GPHN: variants seen among roughly 807,000 people sequenced by gnomAD.
GPHN encodes gephyrin.
GPHN carries 17 observed loss-of-function variants against 95.5 expected under a neutral mutation model. The ratio of observed to expected loss-of-function variants is 0.18; its 90% CI spans 0.12 to 0.27. The LOEUF is 0.27. Among genes scored for constraint, GPHN ranks in the 10% least tolerant of loss-of-function variants. The probability of loss-of-function intolerance (pLI) is 1.00; values close to 1 mark genes in which losing one functional copy is unlikely to be tolerated. For missense variants in GPHN, 660 were observed against 978.1 expected (o/e 0.67, Z 4.34); for synonymous variants, 320 against 322.5 (o/e 0.99, Z 0.08).
intron 5 of GPHN, among the ~76,000 whole-genome samples, chr14:66,891,751 T>C (rs1490996771): frequency 1.3e-5 from 2 of 150,342 alleles, no homozygotes; most frequent in Non-Finnish European, 3.0e-5. Context: ...ATTAATATTC[T>C]ATATATATAT....
At chr14:67,053,176 T>C (rs1594950025) in intron 10 of GPHN, among the ~76,000 whole-genome samples, 1 of 85,644 alleles carries the variant, frequency 1.2e-5, no homozygotes, top group East Asian at 6.2e-4. Context: ...AGCTGGTTTG[T>C]TTTTTTTTTT....
At chr14:67,276,993 A>G in the GPHN span, among the ~76,000 whole-genome samples, 1 of 152,186 alleles carries the variant, frequency 6.6e-6, no homozygotes, top group Non-Finnish European at 1.5e-5. Context: ...AGTAATTGTT[A>G]TAGAGAGGGT....
chr14:67,421,309 A>G, the GPHN span, among the ~76,000 whole-genome samples: 1 of 152,132 alleles, frequency 6.6e-6, no homozygotes, highest in Non-Finnish European at 1.5e-5. Context: ...ATCCATGAAA[A>G]TGTCCCTGAT....
the GPHN span, among the ~76,000 whole-genome samples, chr14:67,408,181 G>A: frequency 6.6e-6 from 1 of 151,882 alleles, no homozygotes; most frequent in African/African-American, 2.4e-5. Context: ...AGCTACTCAG[G>A]AGGCTGAGGC....
At chr14:67,320,243 G>A in the GPHN span, 4 of 1,606,734 alleles carry the variant, frequency 2.5e-6, no homozygotes, top group East Asian at 2.2e-5. Context: ...ATGACAACGA[G>A]GAGATCTTAA....
chr14:67,288,977 T>G, the GPHN span, among the ~76,000 whole-genome samples: 1 of 148,692 alleles, frequency 6.7e-6, no homozygotes, highest in East Asian at 1.9e-4. Context: ...TTTTTTTTTT[T>G]TTTTTTTGAG....
At chr14:66,725,698 G>A (rs1419883210) in intron 2 of GPHN, among the ~76,000 whole-genome samples, 1 of 152,128 alleles carries the variant, frequency 6.6e-6, no homozygotes, top group Non-Finnish European at 1.5e-5. Context: ...TGGTCAAGCT[G>A]GTGACAGATA....
intron 1 of GPHN, among the ~76,000 whole-genome samples, chr14:66,515,418 G>T (rs2058200314): frequency 1.3e-5 from 2 of 152,170 alleles, no homozygotes; most frequent in South Asian, 4.1e-4. Context: ...ATGTTTTTCT[G>T]GTAATAGGAT....
chr14:67,529,128 G>A, the GPHN span, among the ~76,000 whole-genome samples: 281 of 152,180 alleles, frequency 1.8e-3, 12 homozygotes, highest in South Asian at 0.058. Flanking sequence ...CAGGCACTGA[G>A]GCAGGCCCTT....
chr14:67,242,459 A>G, the GPHN span, among the ~76,000 whole-genome samples: 3 of 152,234 alleles, frequency 2.0e-5, no homozygotes, highest in Non-Finnish European at 4.4e-5. Flanking sequence ...TAAAAAAGCA[A>G]TATCATGTTT....
chr14:66,928,834 T>C (rs2066624819), intron 8 of GPHN, among the ~76,000 whole-genome samples: 1 of 152,146 alleles, frequency 6.6e-6, no homozygotes, highest in African/African-American at 2.4e-5. Flanking sequence ...TTCCAAAGTT[T>C]TTTTTATTGA....
At chr14:66,935,515 A>G (rs1021223873) in intron 8 of GPHN, among the ~76,000 whole-genome samples, 1 of 150,888 alleles carries the variant, frequency 6.6e-6, no homozygotes, top group Non-Finnish European at 1.5e-5. Context: ...TTATATATAT[A>G]TAAAACAAAC....
intron 1 of GPHN, among the ~76,000 whole-genome samples, chr14:66,611,338 G>A (rs1204459208): frequency 1.3e-5 from 2 of 152,010 alleles, no homozygotes. Context: ...GGTAGGGGCT[G>A]GAACAAAGAA....
At chr14:67,090,184 TC>T (rs1180499701) in intron 12 of GPHN, among the ~76,000 whole-genome samples, 1 of 152,110 alleles carries the variant, frequency 6.6e-6, no homozygotes, top group Non-Finnish European at 1.5e-5. Flanking sequence ...GCATGCCAAT[TC>T]CTTTTTAATG....
chr14:67,518,172 G>A, the GPHN span, among the ~76,000 whole-genome samples: 2 of 152,210 alleles, frequency 1.3e-5, no homozygotes, highest in African/African-American at 2.4e-5. Flanking sequence ...ACACACCAAA[G>A]GATACCAGCC....
chr14:67,146,776 A>G (rs915190010), intron 18 of GPHN, among the ~76,000 whole-genome samples: 4 of 152,230 alleles, frequency 2.6e-5, no homozygotes, highest in African/African-American at 9.6e-5. Flanking sequence ...GCTCATGCCT[A>G]TAATCCCAGC....
chr14:66,937,935 A>C (rs2067215362), intron 8 of GPHN, among the ~76,000 whole-genome samples: 1 of 152,094 alleles, frequency 6.6e-6, no homozygotes, highest in Admixed American at 6.6e-5. Flanking sequence ...AGGTCACCAA[A>C]ATTTTATTCC....
the GPHN span, chr14:67,225,377 G>T: frequency 6.3e-6 from 4 of 638,384 alleles, no homozygotes; most frequent in Non-Finnish European, 9.6e-6. Flanking sequence ...TTCTACTGTA[G>T]TAACAATATA....
At chr14:66,682,578 C>T (rs964685274) in intron 2 of GPHN, among the ~76,000 whole-genome samples, 2 of 151,752 alleles carry the variant, frequency 1.3e-5, no homozygotes, top group East Asian at 3.9e-4. Context: ...GGTGAAACCC[C>T]GTCCCTACAA....
Sources: allele counts gnomAD v4.1 joint callset (sites outside exome capture counted in the v4.1 genomes callset), GRCh38; gene constraint gnomAD v4.1.1; transcripts MANE v1.5; gene names NCBI Gene and HGNC (gene_info 2026-07-23, HGNC 2026-07-21).